CPQ: variants seen among roughly 807,000 people sequenced by gnomAD.
CPQ encodes Ser-Met dipeptidase.
CPQ carries 37 observed loss-of-function variants against 45.7 expected under a neutral mutation model. The observed-to-expected ratio is 0.81, with a 90% confidence interval of 0.62 to 1.07. The LOEUF (loss-of-function observed/expected upper bound fraction) is 1.07, where lower values mean the gene tolerates loss of function less well. Ranked by LOEUF, CPQ falls within the 50% of genes least tolerant of loss-of-function variation. The probability of loss-of-function intolerance (pLI) is 0.00; values close to 1 mark genes in which losing one functional copy is unlikely to be tolerated. For synonymous variants in CPQ, 186 were observed against 205.8 expected (o/e 0.90, Z 0.82); for missense variants, 537 against 572.9 (o/e 0.94, Z 0.64).
intron 4 of CPQ, among the ~76,000 whole-genome samples, chr8:96,929,150 A>G (rs901210108): frequency 1.3e-5 from 2 of 152,180 alleles, no homozygotes; most frequent in Non-Finnish European, 2.9e-5. Flanking sequence ...GATAGTTTAA[A>G]ATTCCAGGTG....
chr8:96,782,959 C>T (rs1294003254), intron 1 of CPQ, among the ~76,000 whole-genome samples: 1 of 152,154 alleles, frequency 6.6e-6, no homozygotes, highest in Admixed American at 6.6e-5. Flanking sequence ...TCTGAGACCT[C>T]ATCAGAATTG....
intron 5 of CPQ, among the ~76,000 whole-genome samples, chr8:96,995,306 T>C (rs1052099034): frequency 6.6e-6 from 1 of 152,092 alleles, no homozygotes; most frequent in Non-Finnish European, 1.5e-5. Flanking sequence ...AATATCATTA[T>C]AGTGAAGAAA....
At chr8:96,940,259 G>C (rs1813107081) in intron 4 of CPQ, among the ~76,000 whole-genome samples, 1 of 152,160 alleles carries the variant, frequency 6.6e-6, no homozygotes, top group Admixed American at 6.5e-5. Flanking sequence ...AATTCTAGTA[G>C]AAATCCATAT....
intron 1 of CPQ, among the ~76,000 whole-genome samples, chr8:96,677,540 G>A (rs1371481381): frequency 6.6e-6 from 1 of 151,726 alleles, no homozygotes; most frequent in Non-Finnish European, 1.5e-5. Flanking sequence ...TTGATGGTTT[G>A]TTTGAGTTCC....
chr8:97,091,132 G>A (rs922588146), intron 7 of CPQ, among the ~76,000 whole-genome samples: 53 of 152,142 alleles, frequency 3.5e-4, no homozygotes, highest in African/African-American at 1.3e-3. Context: ...AGTGGCGTTC[G>A]CTCTAGACTG....
chr8:96,737,830 T>C (rs1246152079), intron 1 of CPQ, among the ~76,000 whole-genome samples: 2 of 152,216 alleles, frequency 1.3e-5, no homozygotes. Context: ...TTACTTTGGA[T>C]TTAAAAATTA....
intron 3 of CPQ, among the ~76,000 whole-genome samples, chr8:96,865,320 G>T (rs1157124719): frequency 6.6e-6 from 1 of 152,024 alleles, no homozygotes; most frequent in Non-Finnish European, 1.5e-5. Flanking sequence ...AGTCTGTCTG[G>T]AGTAGAGAGG....
chr8:96,697,898 G>A (rs1253745965), intron 1 of CPQ, among the ~76,000 whole-genome samples: 1 of 152,080 alleles, frequency 6.6e-6, no homozygotes, highest in Non-Finnish European at 1.5e-5. Context: ...TGGATTGGAA[G>A]AATCAATACT....
At chr8:96,990,074 T>G (rs1809062161) in intron 5 of CPQ, among the ~76,000 whole-genome samples, 1 of 152,156 alleles carries the variant, frequency 6.6e-6, no homozygotes, top group Non-Finnish European at 1.5e-5. Flanking sequence ...CTCCCACCTC[T>G]GAACCTTTGC....
intron 1 of CPQ, among the ~76,000 whole-genome samples, chr8:96,656,323 TG>T (rs542064299): frequency 8.7e-4 from 133 of 152,302 alleles, no homozygotes; most frequent in African/African-American, 3.2e-3. Context: ...ATGGGGCTGC[TG>T]GCTCGGCTCC....
chr8:96,737,713 G>T (rs150727698), intron 1 of CPQ, among the ~76,000 whole-genome samples: 1 of 151,810 alleles, frequency 6.6e-6, no homozygotes, highest in African/African-American at 2.4e-5. Context: ...GTATCCCTCA[G>T]TCCAATCAAG....
intron 7 of CPQ, among the ~76,000 whole-genome samples, chr8:97,119,513 A>G (rs1261460902): frequency 6.6e-6 from 1 of 152,048 alleles, no homozygotes; most frequent in Middle Eastern, 3.4e-3. Context: ...TGTTGTTAAG[A>G]TAGATAAGAA....
At chr8:96,954,984 A>C (rs1813332829) in intron 4 of CPQ, among the ~76,000 whole-genome samples, 1 of 151,980 alleles carries the variant, frequency 6.6e-6, no homozygotes, top group Admixed American at 6.6e-5. Flanking sequence ...CATTTTCTTA[A>C]TCCAGTCTAT....
chr8:97,130,424 T>G (rs77182099), intron 7 of CPQ, among the ~76,000 whole-genome samples: 4 of 114,420 alleles, frequency 3.5e-5, no homozygotes, highest in Admixed American at 9.5e-5. Context: ...TCAGCTGTTT[T>G]TTTTTTTTTT....
chr8:96,783,665 G>A (rs1179097413), intron 1 of CPQ, among the ~76,000 whole-genome samples: 1 of 152,092 alleles, frequency 6.6e-6, no homozygotes, highest in Admixed American at 6.5e-5. Context: ...CTAAACCAGT[G>A]CTATCCAATA....
intron 4 of CPQ, among the ~76,000 whole-genome samples, chr8:96,961,743 G>C (rs1813464238): frequency 6.6e-6 from 1 of 152,096 alleles, no homozygotes. Context: ...ACTCATTTCG[G>C]TATCTCTAGC....
At position 96,931,731 on chromosome 8, in the gene CPQ, T is replaced by G. The variant is rs118040768; in HGVS notation, c.850-34204T>G. Among the ~76,000 whole-genome samples the G allele has an allele frequency of 2.2e-3, 336 of 152,328 alleles. 14 individuals are homozygous for G. The East Asian group carries it at 0.055, about 25-fold the overall frequency. On this transcript the variant is annotated intron_variant, in intron 4 of 7. Coordinates refer to ENST00000220763, the MANE Select transcript of CPQ (RefSeq NM_016134.4). Reference sequence around the variant, plus strand: ...TGAGTGTCTCAGACTTCGAGACTATTGCTTTCTCCTCTGTTCCAATCTCCA... The same window carrying G: ...TGAGTGTCTCAGACTTCGAGACTATGGCTTTCTCCTCTGTTCCAATCTCCA...
At chr8:97,033,892 GTACTC>G (rs991601711) in intron 6 of CPQ, among the ~76,000 whole-genome samples, 49 of 152,014 alleles carry the variant, frequency 3.2e-4, no homozygotes, top group African/African-American at 1.2e-3. Context: ...TGTTTACACT[GTACTC>G]TAATTAATAT....
At chr8:97,082,153 C>T (rs937005636) in intron 7 of CPQ, among the ~76,000 whole-genome samples, 2 of 152,154 alleles carry the variant, frequency 1.3e-5, no homozygotes, top group African/African-American at 2.4e-5. Flanking sequence ...CAGATTTTGG[C>T]ATTTGAATGC....
Sources: gnomAD v4.1 joint callset for allele counts (sites outside exome capture counted in the v4.1 genomes callset) on GRCh38, gnomAD v4.1.1 for gene constraint, MANE v1.5 for transcripts, NCBI Gene and HGNC (gene_info 2026-07-23, HGNC 2026-07-21) for gene names.